The following NOL10 variants were observed in gnomAD, a reference collection of about 807,000 sequenced individuals.
NOL10 encodes the protein nucleolar protein 10.
A neutral mutation model predicts 103.5 loss-of-function variants in NOL10; 58 were observed. The ratio of observed to expected loss-of-function variants is 0.56; its 90% CI spans 0.45 to 0.70. NOL10 has a LOEUF of 0.70. Among genes scored for constraint, NOL10 ranks in the 30% least tolerant of loss-of-function variants. NOL10 has a pLI of 0.00. For synonymous variants in NOL10, 287 were observed against 282.5 expected (o/e 1.02, Z -0.16); for missense variants, 763 against 807.3 (o/e 0.95, Z 0.67).
intron 2 of NOL10, among the ~76,000 whole-genome samples, chr2:10,684,322 T>C (rs1308340386): frequency 6.7e-6 from 1 of 149,904 alleles, no homozygotes; most frequent in Non-Finnish European, 1.5e-5. Context: ...GGCTCATGCC[T>C]GTAATCCCAA....
rs1675095898 is a variant in NOL10 at position 10,587,100 on chromosome 2, C to CATATATACATATATATACAT, written c.1844+1942_1844+1943insATGTATATATATGTATATAT. Among the ~76,000 whole-genome samples the CATATATACATATATATACAT allele has an allele frequency of 2.1e-4, 7 of 33,170 alleles. 2 individuals carry two copies. Among genetic ancestry groups the CATATATACATATATATACAT allele is most frequent in the African/African-American group, 8.9e-4 (6 of 6,712 alleles). The allele number at this position is 33,170 out of a possible 152,430, so 21.8% of individuals were successfully genotyped here. On this transcript the variant is annotated intron_variant, in intron 19 of 20. Transcript: ENST00000381685. The stretch of plus-strand genomic sequence containing the variant: ...ATACATATATATACATATATATACA[C>CATATATACATATATATACAT]ATATATATACATATATATACATATA...
chr2:10,640,660 G>GC (rs1185930153), intron 13 of NOL10, among the ~76,000 whole-genome samples: 1 of 151,996 alleles, frequency 6.6e-6, no homozygotes, highest in African/African-American at 2.4e-5. Context: ...CTCATCACCA[G>GC]CCCCTCATAC....
Position 10,587,060 on chromosome 2 carries a change from T to TATATACATATATATACATATATATAC in NOL10, c.1844+1982_1844+1983insGTATATATATGTATATATATGTATAT, listed in dbSNP as rs1325327488. ...AGTTAAATGTATATATATATACATATATATATACATATATATACATATATA... is the reference window on the plus strand; with the variant it reads ...AGTTAAATGTATATATATATACATATATATACATATATATACATATATATACATATATACATATATATACATATATA... On this transcript the variant is annotated intron_variant, in intron 19 of 20. Transcript: ENST00000381685. 2.7e-3 allele frequency among the ~76,000 whole-genome samples: 111 copies of TATATACATATATATACATATATATAC among 41,544 alleles called. 34 individuals are homozygous for TATATACATATATATACATATATATAC. The highest frequency in any genetic ancestry group is 4.8e-3 in the Non-Finnish European group (92 of 19,026). The allele number at this position is 41,544 out of a possible 152,430, so 27.3% of individuals were successfully genotyped here.
At chr2:10,660,099 A>G (rs1431567804) in intron 9 of NOL10, among the ~76,000 whole-genome samples, 1 of 152,180 alleles carries the variant, frequency 6.6e-6, no homozygotes. Flanking sequence ...TATCGTCCAC[A>G]TGCCCTTGGC....
At chr2:10,633,878 G>A (rs1158294077) in intron 13 of NOL10, among the ~76,000 whole-genome samples, 1 of 151,940 alleles carries the variant, frequency 6.6e-6, no homozygotes, top group East Asian at 1.9e-4. Context: ...CCAGGCTGGA[G>A]TGCAGTAGCA....
intron 12 of NOL10, among the ~76,000 whole-genome samples, chr2:10,649,935 T>G (rs1021359301): frequency 6.6e-6 from 1 of 152,188 alleles, no homozygotes; most frequent in Non-Finnish European, 1.5e-5. Context: ...GATTTTTTTT[T>G]CCAACCATTT....
rs143316787 is a variant in NOL10, at chr2:10,648,677, C to T, written c.974-4305G>A. 4.3e-3 allele frequency among the ~76,000 whole-genome samples: 653 copies of T among 152,106 alleles called. 9 individuals are homozygous for T. Among genetic ancestry groups the T allele is most frequent in the African/African-American group, 0.015 (602 of 41,478 alleles). On this transcript the variant is annotated intron_variant, in intron 12 of 20. Coordinates refer to ENST00000381685, the MANE Select transcript of NOL10 (RefSeq NM_024894.4). ...AGCAGCCTGCACATTACTCTTGCCC[C>T]AAATTTAATCTAAACTTAATTAAGT...
At chr2:10,645,889 AACTGGGAC>A (rs1679033855) in intron 12 of NOL10, among the ~76,000 whole-genome samples, 6 of 151,940 alleles carry the variant, frequency 3.9e-5, no homozygotes, top group Admixed American at 3.3e-4. Context: ...GCTAGCCCTG[AACTGGGAC>A]CAACAGGTCA....
At chr2:10,633,201 C>T (rs1232664867) in intron 13 of NOL10, among the ~76,000 whole-genome samples, 1 of 151,948 alleles carries the variant, frequency 6.6e-6, no homozygotes, top group African/African-American at 2.4e-5. Flanking sequence ...CAGAACTTGG[C>T]TGTGTCTGTC....
chr2:10,578,987 T>C (rs527607607), intron 19 of NOL10, among the ~76,000 whole-genome samples: 1 of 152,342 alleles, frequency 6.6e-6, no homozygotes, highest in African/African-American at 2.4e-5. Context: ...AGAAAAAGGC[T>C]GAACTGTGTG....
At position 10,571,829 on chromosome 2, in the gene NOL10, G is replaced by C; in HGVS notation, c.*242C>G. On this transcript the variant is annotated 3_prime_UTR_variant, in exon 21 of 21. Transcript: ENST00000381685. ...TTCATGATTAACGCCGTGGGGAAAGGACAATGTTTCCAGGGAGCAACGACT... is the reference window on the plus strand; with the variant it reads ...TTCATGATTAACGCCGTGGGGAAAGCACAATGTTTCCAGGGAGCAACGACT... 2 of 384,238 alleles carry C rather than the reference G, an allele frequency of 5.2e-6. No individual in the cohort carries two copies. Among genetic ancestry groups the C allele is most frequent in the Non-Finnish European group, 9.3e-6 (2 of 216,150 alleles). 23.8% of individuals were successfully genotyped at this position (384,238 alleles called of 1,614,324 possible).
chr2:10,619,594 C>T (rs545692070), intron 13 of NOL10, among the ~76,000 whole-genome samples: 3 of 152,138 alleles, frequency 2.0e-5, no homozygotes, highest in African/African-American at 7.2e-5. Flanking sequence ...AAAAGCTTTA[C>T]ATATCTGTCT....
intron 16 of NOL10, among the ~76,000 whole-genome samples, chr2:10,602,238 G>A (rs764725005): frequency 2.6e-5 from 4 of 152,194 alleles, no homozygotes; most frequent in Admixed American, 1.3e-4. Flanking sequence ...AGGCTGTTCC[G>A]CAGCTCTGAG....
rs897400080 is a variant in NOL10, at chr2:10,665,692, G to T, written c.591+1526C>A. On this transcript the variant is annotated intron_variant, in intron 8 of 20. Coordinates refer to ENST00000381685, the MANE Select transcript of NOL10 (RefSeq NM_024894.4). The stretch of plus-strand genomic sequence containing the variant: ...CCTGGTGTCTAGCCTAGACTGCCCT[G>T]TAAGGACCCTAAAAACTATTTTCTC... 5.3e-5 allele frequency among the ~76,000 whole-genome samples: 8 copies of T among 152,250 alleles called. 1 individual carries two copies. Among genetic ancestry groups the T allele is most frequent in the Admixed American group, 5.2e-4 (8 of 15,294 alleles).
chr2:10,689,585 G>C (rs1485158778), intron 1 of NOL10, among the ~76,000 whole-genome samples: 1 of 152,222 alleles, frequency 6.6e-6, no homozygotes, highest in Non-Finnish European at 1.5e-5. Context: ...ATTATCCCTT[G>C]GTCCAGTTTC....
intron 13 of NOL10, among the ~76,000 whole-genome samples, chr2:10,632,247 T>A (rs1232339528): frequency 6.6e-6 from 1 of 152,214 alleles, no homozygotes; most frequent in African/African-American, 2.4e-5. Flanking sequence ...CGCCCCTGCA[T>A]TCATGTCTTA....
chr2:10,579,627 ATG>A lies in NOL10; in HGVS notation c.1845-1891_1845-1890del, dbSNP rs1674650233. Among the ~76,000 whole-genome samples the A allele has an allele frequency of 2.0e-5, 3 of 150,710 alleles. No individual in the cohort carries two copies. The South Asian group carries it at 6.3e-4, about 32-fold the overall frequency. On this transcript the variant is annotated intron_variant, in intron 19 of 20. Transcript: ENST00000381685. ...ACGGACTCTGGCATGCATGTGAATT[ATG>A]TGAGCCTCAGCAAATCCCTCAACCT...
intron 11 of NOL10, among the ~76,000 whole-genome samples, chr2:10,657,223 C>T (rs111861993): frequency 0.2 from 31,112 of 151,866 alleles, 4,185 homozygotes; most frequent in Non-Finnish European, 0.3. Flanking sequence ...GAGGCTAAGG[C>T]ACGAGAATTG....
chr2:10,642,260 G>C (rs192736538), intron 13 of NOL10, among the ~76,000 whole-genome samples: 1 of 152,130 alleles, frequency 6.6e-6, no homozygotes, highest in African/African-American at 2.4e-5. Context: ...TGAATCGTCT[G>C]CAAGTACTGC....
Sources: gnomAD v4.1 joint callset for allele counts (sites outside exome capture counted in the v4.1 genomes callset) on GRCh38, gnomAD v4.1.1 for gene constraint, MANE v1.5 for transcripts, NCBI Gene and HGNC (gene_info 2026-07-23, HGNC 2026-07-21) for gene names.